The following MEGF11 variants were observed in gnomAD, a reference collection of about 807,000 sequenced individuals.
The protein encoded by MEGF11 is multiple EGF like domains 11, also known as multiple epidermal growth factor-like domains protein 11.
A neutral mutation model predicts 146.6 loss-of-function variants in MEGF11; 126 were observed. The observed-to-expected ratio is 0.86, with a 90% CI of 0.74 to 1.00. MEGF11 has a LOEUF of 1.00. Among genes scored for constraint, MEGF11 ranks in the 50% least tolerant of loss-of-function variants. MEGF11 has a pLI of 0.00. For synonymous variants in MEGF11, 532 were observed against 583.4 expected (o/e 0.91, Z 1.27); for missense variants, 1,509 against 1,521.2 (o/e 0.99, Z 0.13).
intron 3 of MEGF11, among the ~76,000 whole-genome samples, chr15:66,119,655 G>A (rs779398973): frequency 2.0e-5 from 3 of 151,992 alleles, no homozygotes; most frequent in Non-Finnish European, 4.4e-5. Flanking sequence ...AAGAACTGAG[G>A]CAGAGTCAGC....
chr15:66,119,211 T>A (rs1186082928), intron 3 of MEGF11, 25 bp from the exon 4 acceptor site: 1 of 1,451,752 alleles, frequency 6.9e-7, no homozygotes, highest in South Asian at 1.2e-5. Flanking sequence ...AGAAAGCCAC[T>A]TGAAAGTATT....
At chr15:66,070,616 A>G (rs2085324449) in intron 5 of MEGF11, among the ~76,000 whole-genome samples, 1 of 152,254 alleles carries the variant, frequency 6.6e-6, no homozygotes, top group African/African-American at 2.4e-5. Flanking sequence ...CTGCAGAGCT[A>G]GATAGGTAAT....
At chr15:65,919,534 A>C (rs752094847) in intron 15 of MEGF11, among the ~76,000 whole-genome samples, 2 of 150,996 alleles carry the variant, frequency 1.3e-5, no homozygotes, top group Non-Finnish European at 3.0e-5. Context: ...AAAACACTTT[A>C]TTGCAAAAAA....
intron 8 of MEGF11, among the ~76,000 whole-genome samples, chr15:65,966,096 A>G (rs2081086073): frequency 6.6e-6 from 1 of 152,138 alleles, no homozygotes; most frequent in African/African-American, 2.4e-5. Flanking sequence ...CCCAGGTTCA[A>G]GCTATTCTCC....
intron 5 of MEGF11, among the ~76,000 whole-genome samples, chr15:66,040,518 G>A (rs570048944): frequency 1.3e-4 from 18 of 137,768 alleles, no homozygotes; most frequent in African/African-American, 2.1e-4. Context: ...ACAGCGATAC[G>A]TTCTCTGTCC....
intron 5 of MEGF11, among the ~76,000 whole-genome samples, chr15:66,055,803 T>A (rs2084650517): frequency 6.6e-6 from 1 of 152,176 alleles, no homozygotes; most frequent in African/African-American, 2.4e-5. Flanking sequence ...CAGAACAACC[T>A]CAACATGATT....
chr15:66,122,993 C>T (rs1006543896), intron 3 of MEGF11, among the ~76,000 whole-genome samples: 1 of 152,206 alleles, frequency 6.6e-6, no homozygotes, highest in South Asian at 2.1e-4. Flanking sequence ...CTGTGTTAGC[C>T]AGGATGATCT....
At chr15:66,000,276 C>G (rs1235557689) in intron 5 of MEGF11, among the ~76,000 whole-genome samples, 1 of 152,192 alleles carries the variant, frequency 6.6e-6, no homozygotes, top group Non-Finnish European at 1.5e-5. Context: ...CATGGTGGCC[C>G]ACACCACTTT....
chr15:66,213,167 C>T (rs1354539727), intron 1 of MEGF11, among the ~76,000 whole-genome samples: 1 of 152,196 alleles, frequency 6.6e-6, no homozygotes, highest in Non-Finnish European at 1.5e-5. Flanking sequence ...CTCATCCTCT[C>T]CTGCTCTCTC....
In MEGF11 at chr15:66,171,433, C is replaced by G. The variant is rs192683721; in HGVS notation, c.-8-43022G>C. Among the ~76,000 whole-genome samples, 1,092 of 142,406 alleles carry G rather than the reference C, an allele frequency of 7.7e-3. 13 individuals are homozygous for G. Among genetic ancestry groups the G allele is most frequent in the African/African-American group, 0.023 (922 of 40,870 alleles). The allele number at this position is 142,406 out of a possible 152,430, so 93.4% of individuals were successfully genotyped here. On this transcript the variant is annotated intron_variant, in intron 1 of 25. Transcript: ENST00000395614. ...GAGGATGATGAAAACGCCCCTTGCT[C>G]CAAGTACTCTAAGATTCCAAGGACA...
intron 1 of MEGF11, among the ~76,000 whole-genome samples, chr15:66,148,946 A>C (rs1289199634): frequency 6.6e-6 from 1 of 152,202 alleles, no homozygotes; most frequent in African/African-American, 2.4e-5. Flanking sequence ...TAACAAGCCA[A>C]CCACCTCACC....
intron 10 of MEGF11, among the ~76,000 whole-genome samples, chr15:65,931,722 G>A (rs976240241): frequency 3.9e-5 from 6 of 152,150 alleles, no homozygotes; most frequent in Admixed American, 3.3e-4. Flanking sequence ...CCCATGACAC[G>A]AGTAGTAATA....
intron 5 of MEGF11, among the ~76,000 whole-genome samples, chr15:66,010,638 C>T (rs1201927917): frequency 3.3e-5 from 5 of 152,168 alleles, no homozygotes; most frequent in South Asian, 2.1e-4. Flanking sequence ...TTGCTACTAA[C>T]GTAGTTCCAA....
chr15:65,948,679 T>A (rs2080285196), intron 10 of MEGF11, among the ~76,000 whole-genome samples: 3 of 152,248 alleles, frequency 2.0e-5, no homozygotes, highest in Admixed American at 6.5e-5. Context: ...TCTAAATATT[T>A]TATCTAATTC....
At chr15:65,943,244 C>T (rs975162997) in intron 10 of MEGF11, among the ~76,000 whole-genome samples, 5 of 152,152 alleles carry the variant, frequency 3.3e-5, no homozygotes, top group African/African-American at 1.2e-4. Context: ...TCCCAAAGTG[C>T]TGGGATTACA....
chr15:66,129,556 A>C (rs1452665687), intron 1 of MEGF11, among the ~76,000 whole-genome samples: 1 of 152,146 alleles, frequency 6.6e-6, no homozygotes, highest in Admixed American at 6.5e-5. Flanking sequence ...CATAGAAAAT[A>C]TTTTGACATT....
chr15:66,061,910 T>C (rs527720647), intron 5 of MEGF11, among the ~76,000 whole-genome samples: 47 of 152,308 alleles, frequency 3.1e-4, no homozygotes, highest in African/African-American at 1.1e-3. Context: ...GCTGGTACTA[T>C]AGGTGCACAC....
At chr15:65,950,598 C>G (rs1305067422) in intron 10 of MEGF11, among the ~76,000 whole-genome samples, 4 of 20,904 alleles carry the variant, frequency 1.9e-4, no homozygotes, top group African/African-American at 4.3e-4. Context: ...CACACACACA[C>G]ACACACACAC....
chr15:66,164,237 A>G (rs1017854059), intron 1 of MEGF11, among the ~76,000 whole-genome samples: 5 of 152,134 alleles, frequency 3.3e-5, no homozygotes, highest in African/African-American at 1.2e-4. Flanking sequence ...CAGAAGTTCA[A>G]TGGATGGACA....
Sources: allele counts gnomAD v4.1 joint callset (sites outside exome capture counted in the v4.1 genomes callset), GRCh38; gene constraint gnomAD v4.1.1; transcripts MANE v1.5; gene names NCBI Gene and HGNC (gene_info 2026-07-23, HGNC 2026-07-21).